MYO15A: variants seen among roughly 807,000 people sequenced by gnomAD.
The protein encoded by MYO15A is myosin XVA, also known as unconventional myosin-XV.
A neutral mutation model predicts 394.6 loss-of-function variants in MYO15A; 308 were observed. That is an observed-to-expected ratio of 0.78 (90% CI 0.71 to 0.86). The LOEUF (loss-of-function observed/expected upper bound fraction) is 0.86, where lower values mean the gene tolerates loss of function less well. Among genes scored for constraint, MYO15A ranks in the 40% least tolerant of loss-of-function variants. MYO15A has a pLI of 0.00. For synonymous variants in MYO15A, 1,957 were observed against 2,003.8 expected, an observed-to-expected ratio of 0.98 and a Z score of 0.62; for missense variants, 4,606 against 4,799.1, an observed-to-expected ratio of 0.96 and a Z score of 1.19.
chr17:18,136,550 AC>A lies in MYO15A; in HGVS notation c.4656-11del, dbSNP rs767773802. ...ACGGTGTCCTGCTCACACCAGCACC[AC>A]CTCTGCTCCAGGGACGCCATCGCCA... On this transcript the variant is annotated splice_polypyrimidine_tract_variant and intron_variant, in intron 14 of 65. Coordinates refer to ENST00000647165, the MANE Select transcript of MYO15A (RefSeq NM_016239.4). 68 of 1,613,774 alleles carry A rather than the reference AC, an allele frequency of 4.2e-5. 1 individual carries two copies. In the African/African-American group the frequency reaches 8.4e-4, roughly 20 times the overall value.
In MYO15A at chr17:18,133,404, C is replaced by T. The variant is rs775303338; in HGVS notation, c.4482+18C>T. ...AGTATGAGGTGAGGGGACGCCACAG[C>T]CTGCCATGGGGCCCGCACCCTCTGG... On this transcript the variant is annotated intron_variant, in intron 12 of 65. Transcript: ENST00000647165. 1.2e-6 allele frequency: 2 copies of T among 1,613,586 alleles called. No individual in the cohort carries two copies. Among genetic ancestry groups the T allele is most frequent in the African/African-American group, 2.7e-5 (2 of 74,934 alleles).
intron 57 of MYO15A, 61 bp downstream of exon 57, chr17:18,161,508 C>T: frequency 2.5e-6 from 4 of 1,605,758 alleles, no homozygotes. Flanking sequence ...ACTGGGTGGA[C>T]AGCTGGTGGG....
intron 29 of MYO15A, 138 bp downstream of exon 29, chr17:18,144,730 A>G (rs1048979112): frequency 2.7e-6 from 2 of 737,236 alleles, no homozygotes; most frequent in Non-Finnish European, 4.6e-6. Flanking sequence ...ACAGACTTTT[A>G]TGTCAGAGGG....
rs779726809 is a variant in MYO15A at position 18,171,683 on chromosome 17, G to A, written c.10128G>A (p.Thr3376=). 121 of 1,613,268 alleles carry A rather than the reference G, an allele frequency of 7.5e-5. No individual in the cohort carries two copies. The highest frequency in any genetic ancestry group is 4.5e-5 in the East Asian group (2 of 44,896). The change falls in exon 63 of 66, where the codon ACG becomes ACA. Residue 3376 remains threonine (T), a synonymous_variant. Transcript: ENST00000647165. ...TCCCAGCCCAGCTCTACCGTACAACGGCAGGCTCGACCTGGCTCAACCTGG... is the reference window on the plus strand; with the variant it reads ...TCCCAGCCCAGCTCTACCGTACAACAGCAGGCTCGACCTGGCTCAACCTGG... ...EYIPAQLYRT[T]AGSTWLNLVS...
intron 62 of MYO15A, among the ~76,000 whole-genome samples, chr17:18,169,037 C>T (rs1223888851): frequency 6.6e-6 from 1 of 150,634 alleles, no homozygotes; most frequent in Admixed American, 6.6e-5. Flanking sequence ...CACTTGAACC[C>T]TGGAGGTGGA....
In MYO15A at chr17:18,157,230, G is replaced by C; in HGVS notation, c.8788G>C (p.Gly2930Arg). The change falls in exon 50 of 66, where the codon GGC (glycine) becomes CGC (arginine). Residue 2930 changes from glycine (G) to arginine (R), a missense_variant and splice_region_variant. By Grantham distance (125) the Gly-to-Arg change is moderately radical. This residue lies in a region of MYO15A where 2,776 missense variants were observed against 3,109.3 expected (regional missense o/e 0.89). Coordinates refer to ENST00000647165, the MANE Select transcript of MYO15A (RefSeq NM_016239.4). ...EELRRRGPDFGWRFGTIHGRV... is the reference protein window; with the variant it reads ...EELRRRGPDFRWRFGTIHGRV... ...GCTGCGACGTAGAGGCCCCGACTTT[G>C]GTGTGTGCCCCAGAACCTGGAACCC... 1 of 1,602,850 alleles carries C rather than the reference G, an allele frequency of 6.2e-7. No homozygotes were observed.
rs2046366090 is a variant in MYO15A at position 18,140,850 on chromosome 17, C to T, written c.5406+18C>T. 1.2e-6 allele frequency: 2 copies of T among 1,613,896 alleles called. No homozygotes were observed. Among genetic ancestry groups the T allele is most frequent in the Non-Finnish European group, 1.7e-6 (2 of 1,180,046 alleles). ...ACAAGAAGGTGAGTGAGAGCTGAGG[C>T]CTCTGAGAGAGCCAAATCCTCCTGC... On this transcript the variant is annotated intron_variant, in intron 21 of 65. Coordinates refer to ENST00000647165, the MANE Select transcript of MYO15A (RefSeq NM_016239.4).
rs146633221 is a variant in MYO15A, at chr17:18,143,935, C to T, written c.6112C>T (p.Arg2038Cys). ...VRTPRLQAEPRVTLPLDINNY... is the reference protein window; with the variant it reads ...VRTPRLQAEPCVTLPLDINNY... The stretch of plus-strand genomic sequence containing the variant: ...GACTCCTCGACTCCAGGCTGAGCCC[C>T]GTGTCACACTGCCCCTGGACATCAA... The change falls in exon 28 of 66, where the codon CGT becomes TGT. Residue 2038 changes from arginine to cysteine, a missense_variant. Physicochemically the swap from Arg to Cys is radical, Grantham distance 180 (BLOSUM62 -3). This residue lies in a region of MYO15A where 2,776 missense variants were observed against 3,109.3 expected (regional missense o/e 0.89). Coordinates refer to ENST00000647165, the MANE Select transcript of MYO15A (RefSeq NM_016239.4). 3.8e-4 allele frequency: 608 copies of T among 1,610,906 alleles called. 3 individuals carry two copies. The Middle Eastern group carries it at 6.1e-3, about 16-fold the overall frequency.
rs200533220 is a variant in MYO15A at position 18,119,115 on chromosome 17, C to G, written c.315C>G (p.Ser105=). 6.8e-6 allele frequency: 11 copies of G among 1,612,088 alleles called. No homozygotes were observed. In the South Asian group the frequency reaches 1.2e-4, roughly 18 times the overall value. The part of the protein sequence containing the change: ...KKRAMKGKKP[S]FMVIRFPGRR... ...GGGCGATGAAGGGCAAGAAGCCGTC[C>G]TTCATGGTGATCCGCTTCCCAGGCC... The change falls in exon 2 of 66, where the codon TCC becomes TCG. Residue 105 remains serine (S), a synonymous_variant. Transcript: ENST00000647165.
Position 18,119,568 on chromosome 17 carries a change from G to A in MYO15A, c.768G>A (p.Glu256=), listed in dbSNP as rs771466440. 20 of 1,606,578 alleles carry A rather than the reference G, an allele frequency of 1.2e-5. No homozygotes were observed. In the East Asian group the frequency reaches 4.2e-4, roughly 34 times the overall value. ...GGCAGTCACTCCACCGCTACGAGGAGCAGGAACCCTACCTGGCGGGCCTCG... is the reference window on the plus strand; with the variant it reads ...GGCAGTCACTCCACCGCTACGAGGAACAGGAACCCTACCTGGCGGGCCTCG... The part of the protein sequence containing the change: ...YDRQSLHRYE[E]QEPYLAGLGP... The change falls in exon 2 of 66, where the codon GAG becomes GAA. Residue 256 remains glutamate (E), a synonymous_variant. Coordinates refer to ENST00000647165, the MANE Select transcript of MYO15A (RefSeq NM_016239.4).
chr17:18,130,653 G>T lies in MYO15A; in HGVS notation c.4033-152G>T, dbSNP rs114200792. On this transcript the variant is annotated intron_variant, in intron 7 of 65. Transcript: ENST00000647165. ...GACCCCATGGCAGTCCCCAAGCCTG[G>T]ACCCCTGGGGTCTCTGAGCCTCACA... is the stretch of plus-strand genomic sequence containing the variant. The T allele has an allele frequency of 2.4e-3, 3,150 of 1,302,244 alleles. 56 individuals carry two copies. In the African/African-American group the frequency reaches 0.042, roughly 17 times the overall value. The allele number at this position is 1,302,244 out of a possible 1,614,324, so 80.7% of individuals were successfully genotyped here. A position where few individuals can be genotyped will look rare whatever the true frequency, so the allele number is the denominator to read the frequency against.
At chr17:18,139,937 C>T (rs1390965973) in intron 19 of MYO15A, among the ~76,000 whole-genome samples, 1 of 152,230 alleles carries the variant, frequency 6.6e-6, no homozygotes, top group Non-Finnish European at 1.5e-5. Flanking sequence ...GGCCCCACCC[C>T]ATTCCCTGGC....
At position 18,148,868 on chromosome 17, in the gene MYO15A, A is replaced by G; in HGVS notation, c.6872A>G (p.Glu2291Gly). Residue 2291 changes from glutamate (E) to glycine (G), a missense_variant, in exon 33 of 66, where the codon GAG becomes GGG. Glu to Gly is a moderately conservative substitution (Grantham distance 98, BLOSUM62 -2). Around this residue, in one of 2 missense-constraint regions of MYO15A, gnomAD observed 2,776 missense variants for 3,109.3 expected, o/e 0.89. Transcript: ENST00000647165. The surrounding 1 kb of genome is among the most constrained non-coding windows in gnomAD (Gnocchi z 4.8). ...DYVLDLVSDLELLRDFPRQKS... is the reference protein window; with the variant it reads ...DYVLDLVSDLGLLRDFPRQKS... ...GTGTTAGACCTGGTGTCGGACCTGG[A>G]GCTGCTCAGGGACTTCCCTCGACAG... 6.2e-7 allele frequency: 1 copy of G among 1,607,796 alleles called. No homozygotes were observed. The highest frequency in any genetic ancestry group is 1.1e-5 in the South Asian group (1 of 89,690).
chr17:18,125,994 C>G (rs918789337), intron 4 of MYO15A, among the ~76,000 whole-genome samples: 34 of 152,224 alleles, frequency 2.2e-4, no homozygotes, highest in Non-Finnish European at 4.0e-4. Context: ...CCCCTGAGTT[C>G]CCCAACTCCT....
chr17:18,149,163 G>C, intron 33 of MYO15A, 53 bp from the exon 34 acceptor site: 1 of 1,608,656 alleles, frequency 6.2e-7, no homozygotes, highest in Non-Finnish European at 8.5e-7. Flanking sequence ...AAAATTTGGG[G>C]GATTCTGGGA....
chr17:18,176,636 A>C (rs1421241490), intron 65 of MYO15A: 1 of 147,058 alleles, frequency 6.8e-6, no homozygotes, highest in Non-Finnish European at 1.5e-5. Flanking sequence ...TCCCCAGTTC[A>C]AGTGATTCTT....
At chr17:18,113,857 G>A (rs1337731632) in intron 1 of MYO15A, among the ~76,000 whole-genome samples, 3 of 138,274 alleles carry the variant, frequency 2.2e-5, no homozygotes, top group Admixed American at 2.2e-4. Context: ...CTACAGAAAG[G>A]CCTCAGTAAA....
At chr17:18,163,097 A>G (rs1261626027) in intron 58 of MYO15A, 147 bp from the exon 59 acceptor site, 1 of 827,368 alleles carries the variant, frequency 1.2e-6, no homozygotes, top group African/African-American at 1.7e-5. Context: ...GGGCTTGCAG[A>G]CAGGCCCTGC....
intron 15 of MYO15A, among the ~76,000 whole-genome samples, chr17:18,137,060 G>T (rs2046292716): frequency 6.6e-6 from 1 of 152,236 alleles, no homozygotes. Context: ...GGGCTGGGAG[G>T]GGTGGCGGGT....
Sources: allele counts gnomAD v4.1 joint callset (sites outside exome capture counted in the v4.1 genomes callset), GRCh38; gene constraint gnomAD v4.1.1; regional missense constraint gnomAD v4.1.1; non-coding constraint Gnocchi (gnomAD v3.1); transcripts MANE v1.5; gene names NCBI Gene and HGNC (gene_info 2026-07-23, HGNC 2026-07-21).